Variants in ARLN observed in about 807,000 individuals in gnomAD.
ARLN encodes sarcoplasmic/endoplasmic reticulum calcium ATPase regulator ARLN.
the ARLN span, chr4:119,300,313 A>T: frequency 1.3e-6 from 2 of 1,584,932 alleles, no homozygotes; most frequent in East Asian, 4.5e-5. Context: ...TTACCACCCC[A>T]ATTTTGCATT....
chr4:119,304,443 C>T, the ARLN span: 1 of 1,522,440 alleles, frequency 6.6e-7, no homozygotes, highest in Non-Finnish European at 8.8e-7. Context: ...TTAGACTGGT[C>T]ATCTTTCAAA....
chr4:119,304,380 C>T, the ARLN span: 1 of 1,536,798 alleles, frequency 6.5e-7, no homozygotes, highest in Non-Finnish European at 8.7e-7. Flanking sequence ...TCCTTTGGCA[C>T]CTATTATTTC....
chr4:119,298,539 GA>G, the ARLN span: 1 of 430,204 alleles, frequency 2.3e-6, no homozygotes, highest in Non-Finnish European at 4.2e-6. Flanking sequence ...TCAGATGTTT[GA>G]AAGTTTTTAA....
chr4:119,301,316 C>T, the ARLN span, among the ~76,000 whole-genome samples: 881 of 150,122 alleles, frequency 5.9e-3, 9 homozygotes, highest in African/African-American at 0.021. Context: ...CCCAGTTACT[C>T]GGGAGGCTGA....
At chr4:119,304,300 C>G in the ARLN span, 1 of 1,537,124 alleles carries the variant, frequency 6.5e-7, no homozygotes, top group Non-Finnish European at 8.7e-7. Flanking sequence ...ATGTTTTCTT[C>G]TTGGGGAGAG....
the ARLN span, among the ~76,000 whole-genome samples, chr4:119,299,815 A>G: frequency 1.3e-5 from 2 of 152,214 alleles, no homozygotes; most frequent in African/African-American, 2.4e-5. Flanking sequence ...AATTTGGGTA[A>G]GAAGCTGTTA....
chr4:119,303,806 G>T, the ARLN span, among the ~76,000 whole-genome samples: 1 of 152,186 alleles, frequency 6.6e-6, no homozygotes, highest in African/African-American at 2.4e-5. Context: ...ATCACTTGAG[G>T]TCGAGGCTGC....
the ARLN span, among the ~76,000 whole-genome samples, chr4:119,302,660 A>G: frequency 0.025 from 3,750 of 152,308 alleles, 60 homozygotes; most frequent in South Asian, 0.051. Flanking sequence ...TCTACTTCAC[A>G]TGTTCAACTG....
At chr4:119,298,925 T>G in the ARLN span, 1 of 434,114 alleles carries the variant, frequency 2.3e-6, no homozygotes, top group Non-Finnish European at 4.1e-6. Flanking sequence ...AAAGTTCAGG[T>G]CATAAAAACA....
At chr4:119,304,100 G>GC in the ARLN span, 1 of 615,628 alleles carries the variant, frequency 1.6e-6, no homozygotes, top group South Asian at 2.1e-5. Context: ...GGGCTTTGGT[G>GC]CATGTTTTTC....
chr4:119,301,175 G>A, the ARLN span, among the ~76,000 whole-genome samples: 2 of 150,638 alleles, frequency 1.3e-5, no homozygotes, highest in Admixed American at 1.3e-4. Context: ...AGGCCGAGGC[G>A]GGCGGATCAC....
At chr4:119,302,441 A>G in the ARLN span, among the ~76,000 whole-genome samples, 1 of 152,204 alleles carries the variant, frequency 6.6e-6, no homozygotes, top group African/African-American at 2.4e-5. Context: ...ATGAGTTTAG[A>G]GTGTGTTATG....
At chr4:119,302,838 C>T in the ARLN span, among the ~76,000 whole-genome samples, 2 of 152,268 alleles carry the variant, frequency 1.3e-5, no homozygotes, top group East Asian at 1.9e-4. Flanking sequence ...TTTAAGAAGA[C>T]GTTACAGATC....
chr4:119,298,712 G>T, the ARLN span: 3 of 754,934 alleles, frequency 4.0e-6, no homozygotes, highest in South Asian at 4.4e-5. Context: ...CTTTATTCAA[G>T]AAGTTTGTAG....
the ARLN span, chr4:119,300,524 G>C: frequency 6.2e-7 from 1 of 1,614,044 alleles, no homozygotes; most frequent in Non-Finnish European, 8.5e-7. Context: ...CACCCGGTGC[G>C]TCCACCTCCA....
the ARLN span, chr4:119,300,924 C>T: frequency 1.1e-6 from 1 of 933,440 alleles, no homozygotes; most frequent in Non-Finnish European, 1.5e-6. Context: ...CCTCTCCTAT[C>T]CCCGTATTCC....
chr4:119,297,941 CTG>C, the ARLN span: 1 of 152,564 alleles, frequency 6.6e-6, no homozygotes, highest in Non-Finnish European at 1.5e-5. Context: ...TTGTTCACTG[CTG>C]TGTCTAAAAT....
At chr4:119,297,644 T>C in the ARLN span, 7 of 152,372 alleles carry the variant, frequency 4.6e-5, no homozygotes, top group African/African-American at 1.4e-4. Flanking sequence ...TTAATAGAGA[T>C]AGGGTTTCAC....
chr4:119,302,198 T>C, the ARLN span, among the ~76,000 whole-genome samples: 1 of 152,304 alleles, frequency 6.6e-6, no homozygotes, highest in East Asian at 1.9e-4. Flanking sequence ...TGACATAAAC[T>C]GAACAGGTCT....
Sources: gnomAD v4.1 joint callset for allele counts (sites outside exome capture counted in the v4.1 genomes callset) on GRCh38, gnomAD v4.1.1 for gene constraint, MANE v1.5 for transcripts, NCBI Gene and HGNC (gene_info 2026-07-23, HGNC 2026-07-21) for gene names.